VRK2: variants seen among roughly 807,000 people sequenced by gnomAD.
The protein encoded by VRK2 is serine/threonine-protein kinase VRK2.
A neutral mutation model predicts 57.6 loss-of-function variants in VRK2; 60 were observed. The observed-to-expected ratio is 1.04, with a 90% CI of 0.85 to 1.29. The LOEUF is 1.29. VRK2 is among the 50% of genes most tolerant of loss of function. The pLI is 0.00. For synonymous variants in VRK2, 231 were observed against 199.2 expected, an observed-to-expected ratio of 1.16 and a Z score of -1.35; for missense variants, 705 against 588.1, an observed-to-expected ratio of 1.20 and a Z score of -2.06.
rs144866508 is a variant in VRK2, at chr2:58,102,118, T to C, written c.543+12395T>C. Among the ~76,000 whole-genome samples, 17 of 151,758 alleles carry C rather than the reference T, an allele frequency of 1.1e-4. No homozygotes were observed. In the East Asian group the frequency reaches 3.3e-3, roughly 29 times the overall value. ...TCTTTACTATTTAATATAGCCATTA[T>C]GATTATTTCCTTGCAGAAAACTCTT... is the stretch of plus-strand genomic sequence containing the variant. On this transcript the variant is annotated intron_variant, in intron 7 of 12. Coordinates refer to ENST00000340157, the MANE Select transcript of VRK2 (RefSeq NM_006296.7).
At chr2:58,136,527 G>A (rs894997716) in intron 10 of VRK2, among the ~76,000 whole-genome samples, 2 of 151,684 alleles carry the variant, frequency 1.3e-5, no homozygotes, top group African/African-American at 4.8e-5. Flanking sequence ...TGTGACTACA[G>A]ACACGTGCCA....
chr2:58,046,353 A>C (rs2103742340), upstream of VRK2, among the ~76,000 whole-genome samples: 1 of 152,338 alleles, frequency 6.6e-6, no homozygotes, highest in South Asian at 2.1e-4. Flanking sequence ...GAGAACTTAA[A>C]CGCGGTGAGT....
At chr2:58,062,039 A>G (rs958734991) in intron 2 of VRK2, among the ~76,000 whole-genome samples, 1 of 152,088 alleles carries the variant, frequency 6.6e-6, no homozygotes, top group East Asian at 1.9e-4. Flanking sequence ...GCAACCCTGC[A>G]TCAACCAAAT....
chr2:58,158,887 C>T (rs1684498377), intron 12 of VRK2, among the ~76,000 whole-genome samples: 1 of 152,098 alleles, frequency 6.6e-6, no homozygotes, highest in Admixed American at 6.6e-5. Context: ...TTTTCTTTGG[C>T]TGTGTACAGC....
chr2:58,028,919 T>TATATAC (rs1674028504), intron 2 of VRK2, among the ~76,000 whole-genome samples: 1 of 128,896 alleles, frequency 7.8e-6, no homozygotes, highest in Admixed American at 7.5e-5. Context: ...TATATATATA[T>TATATAC]ATATATATAT....
intron 1 of VRK2, among the ~76,000 whole-genome samples, chr2:57,987,385 A>C (rs1376203454): frequency 6.6e-6 from 1 of 152,212 alleles, no homozygotes; most frequent in Non-Finnish European, 1.5e-5. Flanking sequence ...TACATATGGC[A>C]AATATGCACA....
At chr2:58,054,523 G>A (rs1315614464) in intron 2 of VRK2, among the ~76,000 whole-genome samples, 1 of 151,982 alleles carries the variant, frequency 6.6e-6, no homozygotes, top group African/African-American at 2.4e-5. Context: ...AATATGGATA[G>A]ACTTCTGCTT....
At chr2:57,926,943 C>T (rs776041390) in intron 1 of VRK2, among the ~76,000 whole-genome samples, 1 of 149,034 alleles carries the variant, frequency 6.7e-6, no homozygotes, top group East Asian at 2.0e-4. Context: ...TCTTTCCTTT[C>T]TTCCTGTCTT....
At chr2:58,018,375 T>C (rs1250441557) in intron 1 of VRK2, among the ~76,000 whole-genome samples, 2 of 152,230 alleles carry the variant, frequency 1.3e-5, no homozygotes, top group African/African-American at 4.8e-5. Context: ...TAAATTTGGT[T>C]CATCGTACCT....
chr2:57,923,785 C>G lies in VRK2; in HGVS notation c.-439+15946C>G, dbSNP rs1000307481. On this transcript the variant is annotated intron_variant, in intron 1 of 15. Transcript: ENST00000417641. ...TGGTTGCCTTTGCTTGTGGATATTA[C>G]TCAAGAAATTTTTGCCCATTACAAT... Among the ~76,000 whole-genome samples, 29 of 151,924 alleles carry G rather than the reference C, an allele frequency of 1.9e-4. 2 individuals carry two copies. Among genetic ancestry groups the G allele is most frequent in the Admixed American group, 1.9e-3 (29 of 15,224 alleles).
At chr2:58,102,060 C>G (rs906734006) in intron 7 of VRK2, among the ~76,000 whole-genome samples, 8 of 151,476 alleles carry the variant, frequency 5.3e-5, no homozygotes, top group African/African-American at 1.9e-4. Context: ...CTTAAATTCC[C>G]ATTGGGAAAG....
At chr2:57,943,182 C>T (rs1218788626) in intron 1 of VRK2, among the ~76,000 whole-genome samples, 2 of 152,094 alleles carry the variant, frequency 1.3e-5, no homozygotes, top group Non-Finnish European at 2.9e-5. Flanking sequence ...TTCTTACTGG[C>T]CTATTATTTA....
chr2:57,907,909 G>C (rs552005633), intron 1 of VRK2: 59 of 152,312 alleles, frequency 3.9e-4, no homozygotes, highest in African/African-American at 1.4e-3. Flanking sequence ...TGGTGTGACA[G>C]GGAGTCAGGG....
At chr2:58,155,383 C>T (rs1008244633) in intron 12 of VRK2, among the ~76,000 whole-genome samples, 1 of 152,136 alleles carries the variant, frequency 6.6e-6, no homozygotes, top group African/African-American at 2.4e-5. Flanking sequence ...TGGTAGCTCT[C>T]TACTACGGTC....
intron 1 of VRK2, among the ~76,000 whole-genome samples, chr2:57,958,549 C>T (rs1384195553): frequency 2.6e-5 from 4 of 151,406 alleles, no homozygotes; most frequent in East Asian, 3.9e-4. Context: ...AGACTCGAAA[C>T]GATGTTGTTT....
intron 2 of VRK2, among the ~76,000 whole-genome samples, chr2:58,077,086 T>A (rs968759381): frequency 9.9e-5 from 15 of 152,194 alleles, no homozygotes; most frequent in African/African-American, 3.6e-4. Context: ...GATGACACAA[T>A]ATGTGTAGTT....
intron 1 of VRK2, among the ~76,000 whole-genome samples, chr2:57,976,473 C>G (rs1382991930): frequency 6.6e-6 from 1 of 151,914 alleles, no homozygotes; most frequent in African/African-American, 2.4e-5. Flanking sequence ...GCAGGTCAAG[C>G]ATTTTTTCGT....
At chr2:58,036,383 A>T (rs1442305023) in intron 3 of VRK2, among the ~76,000 whole-genome samples, 1 of 152,018 alleles carries the variant, frequency 6.6e-6, no homozygotes. Flanking sequence ...TAAAAAAATG[A>T]ATGTGGTGAA....
chr2:58,008,012 ATG>A (rs1396293105), intron 1 of VRK2, among the ~76,000 whole-genome samples: 2 of 152,142 alleles, frequency 1.3e-5, no homozygotes, highest in African/African-American at 4.8e-5. Flanking sequence ...AAAAATAAGA[ATG>A]TAGTGTTTTG....
Sources: allele counts gnomAD v4.1 joint callset (sites outside exome capture counted in the v4.1 genomes callset), GRCh38; gene constraint gnomAD v4.1.1; transcripts MANE v1.5; gene names NCBI Gene and HGNC (gene_info 2026-07-23, HGNC 2026-07-21).